NME7: variants seen among roughly 807,000 people sequenced by gnomAD.
NME7 encodes NME/NM23 family member 7.
In NME7, 41 loss-of-function variants were observed where a neutral mutation model predicts 49.1. The ratio of observed to expected loss-of-function variants is 0.83; its 90% CI spans 0.65 to 1.08. NME7 has a LOEUF of 1.08. Ranked by LOEUF, NME7 falls within the 50% of genes least tolerant of loss-of-function variation. NME7 has a pLI of 0.00. For synonymous variants in NME7, 139 were observed against 150.6 expected (o/e 0.92, Z 0.56); for missense variants, 423 against 463.4 (o/e 0.91, Z 0.80).
At chr1:169,366,956 TA>T (rs1653888798) in intron 1 of NME7, among the ~76,000 whole-genome samples, 1 of 152,108 alleles carries the variant, frequency 6.6e-6, no homozygotes, top group Non-Finnish European at 1.5e-5. Flanking sequence ...CATAAGTGCT[TA>T]AAAGATATGG....
intron 1 of NME7, among the ~76,000 whole-genome samples, chr1:169,335,634 A>C (rs951584655): frequency 1.3e-5 from 2 of 151,176 alleles, no homozygotes; most frequent in African/African-American, 4.9e-5. Context: ...TACCTATGTA[A>C]CAAACCTGCA....
chr1:169,237,602 G>A (rs1446969586), intron 8 of NME7, 21 bp downstream of exon 8: 2 of 1,564,602 alleles, frequency 1.3e-6, no homozygotes, highest in African/African-American at 1.4e-5. Context: ...CAAATATTAT[G>A]GTTCATTGTA....
chr1:169,253,337 G>T (rs1260867480), intron 7 of NME7, among the ~76,000 whole-genome samples: 1 of 150,284 alleles, frequency 6.7e-6, no homozygotes, highest in Non-Finnish European at 1.5e-5. Context: ...GTGAATGGGA[G>T]TTCACTCATG....
chr1:169,183,989 A>T (rs12071277), intron 10 of NME7, among the ~76,000 whole-genome samples: 56,250 of 151,576 alleles, frequency 0.37, 10,997 homozygotes, highest in East Asian at 0.73. Context: ...TCTCATGGTC[A>T]CATTATAATA....
At chr1:169,338,654 C>A (rs141796088) in intron 1 of NME7, among the ~76,000 whole-genome samples, 1 of 152,260 alleles carries the variant, frequency 6.6e-6, no homozygotes, top group African/African-American at 2.4e-5. Context: ...TCAAGGGAAA[C>A]CTCTCTAAAA....
At chr1:169,183,629 A>C (rs1021633663) in intron 10 of NME7, among the ~76,000 whole-genome samples, 1 of 151,900 alleles carries the variant, frequency 6.6e-6, no homozygotes, top group African/African-American at 2.4e-5. Flanking sequence ...GTGAAACCCC[A>C]TCTCTACTGA....
chr1:169,198,984 CA>C (rs375040532), intron 10 of NME7, among the ~76,000 whole-genome samples: 1 of 151,706 alleles, frequency 6.6e-6, no homozygotes, highest in Non-Finnish European at 1.5e-5. Context: ...AATTATAAAA[CA>C]AAAAAGATGT....
intron 11 of NME7, among the ~76,000 whole-genome samples, chr1:169,152,754 T>A (rs895922519): frequency 6.6e-6 from 1 of 152,138 alleles, no homozygotes; most frequent in African/African-American, 2.4e-5. Context: ...TACTGGATGA[T>A]CAGAGTATAC....
chr1:169,230,906 T>G, intron 9 of NME7, 87 bp from the exon 10 acceptor site: 1 of 814,286 alleles, frequency 1.2e-6, no homozygotes, highest in Non-Finnish European at 1.8e-6. Flanking sequence ...ACTAATGTCC[T>G]TAAAGTCATC....
At chr1:169,288,140 T>C (rs558223179) in intron 6 of NME7, among the ~76,000 whole-genome samples, 37 of 152,296 alleles carry the variant, frequency 2.4e-4, no homozygotes, top group African/African-American at 5.8e-4. Flanking sequence ...CAAATACCAC[T>C]TTCCACTAGG....
chr1:169,324,600 A>G (rs1394201631), intron 1 of NME7, 100 bp from the exon 2 acceptor site: 2 of 689,790 alleles, frequency 2.9e-6, no homozygotes, highest in Middle Eastern at 2.9e-4. Flanking sequence ...AAGAAACAAA[A>G]TTACTTCTAC....
chr1:169,168,820 T>C (rs1053146153), intron 11 of NME7: 2 of 454,438 alleles, frequency 4.4e-6, no homozygotes, highest in African/African-American at 4.0e-5. Flanking sequence ...CACATTTTTT[T>C]CTATTTTTTT....
intron 6 of NME7, among the ~76,000 whole-genome samples, chr1:169,288,689 C>T (rs1650373529): frequency 6.6e-6 from 1 of 152,136 alleles, no homozygotes; most frequent in Non-Finnish European, 1.5e-5. Context: ...TGGTAAGACA[C>T]TAGAATAAAA....
chr1:169,352,109 A>C (rs144278033), intron 1 of NME7, among the ~76,000 whole-genome samples: 188 of 151,748 alleles, frequency 1.2e-3, no homozygotes, highest in African/African-American at 4.2e-3. Context: ...CCAGACAACA[A>C]CACATCAAAA....
At chr1:169,214,860 G>A (rs543049771) in intron 10 of NME7, among the ~76,000 whole-genome samples, 2 of 152,358 alleles carry the variant, frequency 1.3e-5, no homozygotes, top group East Asian at 3.9e-4. Flanking sequence ...CCCAGAGGGT[G>A]TGTTACAATG....
Position 169,303,393 on chromosome 1 carries a change from A to G in NME7, c.390-198T>C, listed in dbSNP as rs77308490. On this transcript the variant is annotated intron_variant, in intron 4 of 11. Coordinates refer to ENST00000367811, the MANE Select transcript of NME7 (RefSeq NM_013330.5). ...AAGTATGAGTAATATCAATGTAAAT[A>G]AAAATTAATGTAGGAGGCAATGTTT... The G allele has an allele frequency of 5.0e-4, 144 of 288,412 alleles. 1 individual carries two copies. Among genetic ancestry groups the G allele is most frequent in the African/African-American group, 3.1e-3 (140 of 45,030 alleles). The allele number at this position is 288,412 out of a possible 1,614,324, so 17.9% of individuals were successfully genotyped here.
At chr1:169,166,519 T>C (rs1465001602) in intron 11 of NME7, among the ~76,000 whole-genome samples, 1 of 152,204 alleles carries the variant, frequency 6.6e-6, no homozygotes, top group Admixed American at 6.5e-5. Context: ...GTGACTCTAC[T>C]GCTTGCATAA....
chr1:169,365,383 G>T (rs1411875857), intron 1 of NME7, among the ~76,000 whole-genome samples: 1 of 152,146 alleles, frequency 6.6e-6, no homozygotes, highest in African/African-American at 2.4e-5. Flanking sequence ...TGGGAAGTGG[G>T]CAAGAAGAAC....
chr1:169,215,084 T>C (rs1362889494), intron 10 of NME7, among the ~76,000 whole-genome samples: 1 of 152,182 alleles, frequency 6.6e-6, no homozygotes, highest in Non-Finnish European at 1.5e-5. Flanking sequence ...TGCGGATAAT[T>C]TCACTGAGCA....
Sources: gnomAD v4.1 joint callset for allele counts (sites outside exome capture counted in the v4.1 genomes callset) on GRCh38, gnomAD v4.1.1 for gene constraint, MANE v1.5 for transcripts, NCBI Gene and HGNC (gene_info 2026-07-23, HGNC 2026-07-21) for gene names.